SPINK6: variants seen among roughly 807,000 people sequenced by gnomAD.
SPINK6 encodes the protein serine peptidase inhibitor Kazal type 6, also known as serine protease inhibitor Kazal-type 6.
A neutral mutation model predicts 11.7 loss-of-function variants in SPINK6; 13 were observed. The observed-to-expected ratio is 1.11, with a 90% CI of 0.72 to 1.76. SPINK6 has a LOEUF of 1.76. Ranked by LOEUF, SPINK6 falls within the 40% of genes most tolerant of loss-of-function variation. The probability of loss-of-function intolerance (pLI) is 0.00; values close to 1 mark genes in which losing one functional copy is unlikely to be tolerated. For missense variants in SPINK6, 98 were observed against 93.7 expected (o/e 1.05, Z -0.19); for synonymous variants, 21 against 31.9 (o/e 0.66, Z 1.15).
chr5:148,209,992 A>ACACACGTACGTATGTATGTATACC (rs1561732169), intron 2 of SPINK6, among the ~76,000 whole-genome samples: 1 of 145,766 alleles, frequency 6.9e-6, no homozygotes, highest in Admixed American at 6.8e-5. Flanking sequence ...ATGTATACAT[A>ACACACGTACGTATGTATGTATACC]TACACGTATG....
Position 148,210,014 on chromosome 5 carries a change from G to GTA in SPINK6, c.82-3895_82-3894dup, listed in dbSNP as rs1554112283. Among the ~76,000 whole-genome samples the GTA allele has an allele frequency of 2.0e-3, 25 of 12,488 alleles. 2 individuals are homozygous for GTA. The highest frequency in any genetic ancestry group is 0.17 in the Middle Eastern group (1 of 6). 8.2% of individuals were successfully genotyped at this position (12,488 alleles called of 152,430 possible). A position where few individuals can be genotyped will look rare whatever the true frequency, so the allele number is the denominator to read the frequency against. Reference sequence around the variant, plus strand: ...CATATACACGTATGTATACATGTATGTACGCATGTACGCATGCACAAACGT... The same window carrying GTA: ...CATATACACGTATGTATACATGTATGTATACGCATGTACGCATGCACAAACGT... On this transcript the variant is annotated intron_variant, in intron 2 of 3. Coordinates refer to ENST00000325630, the MANE Select transcript of SPINK6 (RefSeq NM_205841.4).
chr5:148,209,160 T>C (rs1382723640), intron 2 of SPINK6, among the ~76,000 whole-genome samples: 1 of 152,252 alleles, frequency 6.6e-6, no homozygotes, highest in East Asian at 1.9e-4. Context: ...TGCTTAAAAT[T>C]AATATACTGA....
chr5:148,214,013 G>GT lies in SPINK6; in HGVS notation c.186dup (p.Lys63Ter). 1 of 1,602,700 alleles carries GT rather than the reference G, an allele frequency of 6.2e-7. No homozygotes were observed. Among genetic ancestry groups the GT allele is most frequent in the Non-Finnish European group, 8.5e-7 (1 of 1,169,636 alleles). Reference sequence around the variant, plus strand: ...ACATATGGCAATAAATGTGCCTTCTGTAAGGCCATAGTGTAAGTATTATAT... The same window carrying GT: ...ACATATGGCAATAAATGTGCCTTCTGTTAAGGCCATAGTGTAAGTATTATAT... On this transcript the variant is annotated frameshift_variant, in exon 3 of 4. Coordinates refer to ENST00000325630, the MANE Select transcript of SPINK6 (RefSeq NM_205841.4). LOFTEE classifies it high-confidence loss of function.
chr5:148,206,101 T>C (rs775294023), intron 2 of SPINK6, 43 bp downstream of exon 2: 2 of 1,612,396 alleles, frequency 1.2e-6, no homozygotes, highest in Middle Eastern at 1.6e-4. Flanking sequence ...TGGGTGGTGC[T>C]TGGCTTGATC....
intron 2 of SPINK6, among the ~76,000 whole-genome samples, chr5:148,210,955 A>C (rs1755589566): frequency 6.6e-6 from 1 of 152,212 alleles, no homozygotes; most frequent in Non-Finnish European, 1.5e-5. Flanking sequence ...GTTTGTCAGT[A>C]ATAGACAGAA....
intron 2 of SPINK6, among the ~76,000 whole-genome samples, chr5:148,213,456 C>T (rs1225522682): frequency 6.6e-6 from 1 of 152,108 alleles, no homozygotes; most frequent in Non-Finnish European, 1.5e-5. Flanking sequence ...GCCTCGGCCT[C>T]CCAAACTGCT....
chr5:148,212,569 A>AT (rs1448312548), intron 2 of SPINK6, among the ~76,000 whole-genome samples: 6 of 92,322 alleles, frequency 6.5e-5, no homozygotes, highest in African/African-American at 2.0e-4. Flanking sequence ...TATAATATAT[A>AT]TTATATATTA....
Position 148,206,145 on chromosome 5 carries a change from AC to A in SPINK6, c.81+88del, listed in dbSNP as rs1306815994. ...CCAAAAAGAAATTTGTCTATGGTTA[AC>A]AGAGCAAAAACAATGAGCAGGCAAA... is the stretch of plus-strand genomic sequence containing the variant. On this transcript the variant is annotated intron_variant, in intron 2 of 3. Coordinates refer to ENST00000325630, the MANE Select transcript of SPINK6 (RefSeq NM_205841.4). The A allele has an allele frequency of 2.8e-6, 4 of 1,436,930 alleles. No individual in the cohort carries two copies. In the African/African-American group the frequency reaches 5.7e-5, roughly 20 times the overall value. 89.0% of individuals were successfully genotyped at this position (1,436,930 alleles called of 1,614,324 possible). A position where few individuals can be genotyped will look rare whatever the true frequency, so the allele number is the denominator to read the frequency against.
chr5:148,213,655 A>C (rs1485079498), intron 2 of SPINK6, among the ~76,000 whole-genome samples: 1 of 152,082 alleles, frequency 6.6e-6, no homozygotes, highest in African/African-American at 2.4e-5. Context: ...TCATTAATTT[A>C]CTCCTGAATA....
chr5:148,209,969 T>TATGTATGTATACATACAC (rs1755550602), intron 2 of SPINK6, among the ~76,000 whole-genome samples: 1 of 126,606 alleles, frequency 7.9e-6, no homozygotes, highest in Admixed American at 7.8e-5. Context: ...TATACATACA[T>TATGTATGTATACATACAC]ACGTACGTAT....
rs1476362244 is a variant in SPINK6 at position 148,210,334 on chromosome 5, A to G, written c.82-3576A>G. Among the ~76,000 whole-genome samples the G allele has an allele frequency of 4.0e-4, 5 of 12,404 alleles. 2 individuals are homozygous for G. Among genetic ancestry groups the G allele is most frequent in the African/African-American group, 2.0e-3 (5 of 2,448 alleles). The allele number at this position is 12,404 out of a possible 152,430, so 8.1% of individuals were successfully genotyped here. ...TATATATGTATGTGTTTCTGCATAC[A>G]TATATATGTGTTTCTGCATACATAT... On this transcript the variant is annotated intron_variant, in intron 2 of 3. Coordinates refer to ENST00000325630, the MANE Select transcript of SPINK6 (RefSeq NM_205841.4).
rs201293089 is a variant in SPINK6, at chr5:148,210,236, ATACG to A, written c.82-3671_82-3668del. Among the ~76,000 whole-genome samples, 128 of 92,436 alleles carry A rather than the reference ATACG, an allele frequency of 1.4e-3. 14 individuals are homozygous for A. Among genetic ancestry groups the A allele is most frequent in the African/African-American group, 4.3e-3 (118 of 27,554 alleles). 60.6% of individuals were successfully genotyped at this position (92,436 alleles called of 152,430 possible). ...TGCATGCATATGTATTTCTGCATGC[ATACG>A]TATGTATTTCTGCATACATATATAT... is the stretch of plus-strand genomic sequence containing the variant. On this transcript the variant is annotated intron_variant, in intron 2 of 3. Coordinates refer to ENST00000325630, the MANE Select transcript of SPINK6 (RefSeq NM_205841.4).
intron 2 of SPINK6, among the ~76,000 whole-genome samples, chr5:148,212,657 T>TAA: frequency 9.1e-6 from 1 of 109,956 alleles, no homozygotes; most frequent in South Asian, 2.4e-4. Flanking sequence ...AATATATATA[T>TAA]TTATATATTT....
chr5:148,203,363 T>C (rs556780888), intron 1 of SPINK6, among the ~76,000 whole-genome samples: 2 of 152,276 alleles, frequency 1.3e-5, no homozygotes, highest in East Asian at 1.9e-4. Context: ...TACTATATTC[T>C]AGGCATGTAC....
At chr5:148,204,246 G>A (rs984784714) in intron 1 of SPINK6, among the ~76,000 whole-genome samples, 4 of 151,840 alleles carry the variant, frequency 2.6e-5, no homozygotes, top group Non-Finnish European at 5.9e-5. Flanking sequence ...AATGGGTAAA[G>A]GATTCCTGTG....
chr5:148,204,314 A>T (rs1561730243), intron 1 of SPINK6, among the ~76,000 whole-genome samples: 1 of 152,062 alleles, frequency 6.6e-6, no homozygotes, highest in African/African-American at 2.4e-5. Flanking sequence ...TAGTTCAATC[A>T]GTTGCTGAGA....
intron 2 of SPINK6, among the ~76,000 whole-genome samples, chr5:148,209,954 A>ATATGTATACATACATACGTACG (rs1755548689): frequency 7.8e-5 from 1 of 12,770 alleles, no homozygotes; most frequent in African/African-American, 1.6e-4. Flanking sequence ...GGTTTCATAT[A>ATATGTATACATACATACGTACG]TATGTATACA....
intron 3 of SPINK6, among the ~76,000 whole-genome samples, 157 bp from the exon 4 acceptor site, chr5:148,214,748 T>A (rs1162171604): frequency 6.6e-6 from 1 of 152,238 alleles, no homozygotes; most frequent in East Asian, 1.9e-4. Context: ...AGATGTAACC[T>A]CTGAGTGCAT....
At chr5:148,205,173 A>T (rs1212043638) in intron 1 of SPINK6, among the ~76,000 whole-genome samples, 1 of 152,128 alleles carries the variant, frequency 6.6e-6, no homozygotes, top group Admixed American at 6.6e-5. Context: ...TTGTTATCCC[A>T]TAAGTGTTGG....
Sources: gnomAD v4.1 joint callset for allele counts (sites outside exome capture counted in the v4.1 genomes callset) on GRCh38, gnomAD v4.1.1 for gene constraint, MANE v1.5 for transcripts, NCBI Gene and HGNC (gene_info 2026-07-23, HGNC 2026-07-21) for gene names.